The following DNAH12 variants were observed in gnomAD, a reference collection of about 807,000 sequenced individuals.
DNAH12 encodes the protein dynein axonemal heavy chain 12, also known as axonemal beta dynein heavy chain 12.
A neutral mutation model predicts 371.5 loss-of-function variants in DNAH12; 285 were observed. The ratio of observed to expected loss-of-function variants is 0.77; its 90% CI spans 0.70 to 0.85. DNAH12 has a LOEUF of 0.85. Among genes scored for constraint, DNAH12 ranks in the 40% least tolerant of loss-of-function variants. DNAH12 has a pLI of 0.00. For missense variants in DNAH12, 3,611 were observed against 3,689.4 expected (o/e 0.98, Z 0.55); for synonymous variants, 1,200 against 1,213.0 (o/e 0.99, Z 0.22).
At chr3:57,519,530 T>C in intron 4 of DNAH12, 1 of 585,726 alleles carries the variant, frequency 1.7e-6, no homozygotes, top group Non-Finnish European at 3.1e-6. Context: ...AAGCCTTTGA[T>C]GTGTCCCAAA....
At chr3:57,459,166 C>T (rs982494025) in intron 20 of DNAH12, among the ~76,000 whole-genome samples, 1 of 152,180 alleles carries the variant, frequency 6.6e-6, no homozygotes, top group Non-Finnish European at 1.5e-5. Context: ...ATGGAGAGAA[C>T]AGCAGATTCT....
chr3:57,516,662 A>T (rs1342212995), intron 4 of DNAH12, among the ~76,000 whole-genome samples: 1 of 151,978 alleles, frequency 6.6e-6, no homozygotes, highest in Admixed American at 6.6e-5. Context: ...TATTGCTATC[A>T]CTCTAGTCTA....
At chr3:57,442,442 A>T (rs139094067) in intron 29 of DNAH12, among the ~76,000 whole-genome samples, 2 of 152,324 alleles carry the variant, frequency 1.3e-5, no homozygotes, top group African/African-American at 4.8e-5. Context: ...ATTTTTTGTC[A>T]ACTGGTAAAA....
chr3:57,309,921 G>C (rs1001687157), intron 67 of DNAH12, 67 bp from the exon 68 acceptor site: 2 of 1,357,090 alleles, frequency 1.5e-6, no homozygotes, highest in Non-Finnish European at 2.0e-6. Flanking sequence ...ATCAGGATAC[G>C]CTACTCCAAA....
chr3:57,450,271 C>G (rs942089881), intron 25 of DNAH12, among the ~76,000 whole-genome samples: 1 of 66,930 alleles, frequency 1.5e-5, no homozygotes. Flanking sequence ...AAAGGTGGCC[C>G]AGTGAGGTGG....
At chr3:57,354,029 C>A (rs1204668817) in intron 59 of DNAH12, among the ~76,000 whole-genome samples, 2 of 152,052 alleles carry the variant, frequency 1.3e-5, no homozygotes, top group African/African-American at 4.8e-5. Context: ...GGGTACATAC[C>A]CAAAGGAATA....
At chr3:57,544,909 G>C (rs989983516), upstream of DNAH12, among the ~76,000 whole-genome samples, 1 of 151,716 alleles carries the variant, frequency 6.6e-6, no homozygotes, top group African/African-American at 2.4e-5. Context: ...ATTAAATTAG[G>C]GAAGTGAATA....
At chr3:57,437,394 T>C (rs1433371990) in intron 29 of DNAH12, among the ~76,000 whole-genome samples, 1 of 151,940 alleles carries the variant, frequency 6.6e-6, no homozygotes, top group East Asian at 1.9e-4. Flanking sequence ...TGCACACTTG[T>C]AGTAACCAGA....
intron 47 of DNAH12, among the ~76,000 whole-genome samples, chr3:57,385,893 G>T (rs1309655347): frequency 6.6e-6 from 1 of 152,050 alleles, no homozygotes; most frequent in African/African-American, 2.4e-5. Context: ...AAAAGAAAGT[G>T]TGGGTCAGTT....
At chr3:57,454,666 T>C in intron 23 of DNAH12, 109 bp downstream of exon 23, 1 of 1,434,046 alleles carries the variant, frequency 7.0e-7, no homozygotes, top group Middle Eastern at 2.3e-4. Flanking sequence ...GGCCAGGAGT[T>C]CAAGACTAGC....
intron 66 of DNAH12, among the ~76,000 whole-genome samples, chr3:57,311,353 A>G (rs1361610259): frequency 6.6e-6 from 1 of 152,232 alleles, no homozygotes; most frequent in Non-Finnish European, 1.5e-5. Flanking sequence ...CTGGGATTAC[A>G]GGCGTGAGCC....
intron 47 of DNAH12, 128 bp from the exon 48 acceptor site, chr3:57,385,557 T>C (rs2063483030): frequency 6.6e-6 from 1 of 152,364 alleles, no homozygotes; most frequent in South Asian, 2.1e-4. Flanking sequence ...CTTTTTCTTC[T>C]AGTTCTTTGC....
At chr3:57,386,913 T>C (rs1456911924) in intron 46 of DNAH12, among the ~76,000 whole-genome samples, 173 bp downstream of exon 46, 2 of 152,168 alleles carry the variant, frequency 1.3e-5, no homozygotes, top group Middle Eastern at 3.2e-3. Context: ...CTATTTCACA[T>C]GTTTCATAAG....
At chr3:57,519,411 T>C (rs2068326119) in intron 4 of DNAH12, among the ~76,000 whole-genome samples, 1 of 152,248 alleles carries the variant, frequency 6.6e-6, no homozygotes, top group South Asian at 2.1e-4. Flanking sequence ...ATAGCACTCC[T>C]AAGCTATGTG....
Position 57,372,157 on chromosome 3 carries a change from A to G in DNAH12, c.8759+3214T>C, listed in dbSNP as rs1016893820. 9.3e-3 allele frequency among the ~76,000 whole-genome samples: 1,422 copies of G among 152,172 alleles called. 22 individuals carry two copies. The highest frequency in any genetic ancestry group is 0.032 in the African/African-American group (1,321 of 41,540). On this transcript the variant is annotated intron_variant, in intron 55 of 73. Coordinates refer to ENST00000495027, the MANE Select transcript of DNAH12 (RefSeq NM_001366028.2). ...GGAATATTCCTGACATAAATAAAAT[A>G]TAAATGTTTAAAGTGATGAATACCC...
intron 44 of DNAH12, among the ~76,000 whole-genome samples, chr3:57,393,625 CAAAAAAAAA>C (rs1180952196): frequency 1.6e-5 from 1 of 64,274 alleles, no homozygotes; most frequent in East Asian, 4.2e-4. Flanking sequence ...GACTCTGTCT[CAAAAAAAAA>C]AAAAAAAAAA....
upstream of DNAH12, among the ~76,000 whole-genome samples, chr3:57,545,534 T>A (rs1251782832): frequency 6.6e-6 from 1 of 151,908 alleles, no homozygotes; most frequent in Non-Finnish European, 1.5e-5. Context: ...GGTTTATTTT[T>A]TAGAGACAGG....
At chr3:57,310,655 T>G (rs568086942) in intron 67 of DNAH12, 62 bp downstream of exon 67, 61 of 1,145,836 alleles carry the variant, frequency 5.3e-5, no homozygotes, top group Admixed American at 4.2e-4. Flanking sequence ...GAAGAACATT[T>G]CACCATTTGC....
In DNAH12 at chr3:57,433,781, T is replaced by A. The variant is rs145006827; in HGVS notation, c.4703A>T (p.His1568Leu). ...EPFAAKTKVL[H>L]VLADTLTLMN... ...TAAAGTTAGCGTATCCGCCAGCACA[T>A]GCAGAACTTTTGTCTTAGCAGCAAA... is the stretch of plus-strand genomic sequence containing the variant. The change falls in exon 31 of 74, where the codon CAT (histidine) becomes CTT (leucine). Residue 1568 changes from histidine to leucine, a missense_variant. Around this residue, in one of 3 missense-constraint regions of DNAH12, gnomAD observed 2,266 missense variants for 2,236.9 expected, o/e 1.01. Transcript: ENST00000495027. 1.8e-4 allele frequency: 283 copies of A among 1,549,518 alleles called. 1 individual carries two copies. The African/African-American group carries it at 3.0e-3, about 16-fold the overall frequency.
Sources: allele counts gnomAD v4.1 joint callset (sites outside exome capture counted in the v4.1 genomes callset), GRCh38; gene constraint gnomAD v4.1.1; regional missense constraint gnomAD v4.1.1; transcripts MANE v1.5; gene names NCBI Gene and HGNC (gene_info 2026-07-23, HGNC 2026-07-21).